The following SLC16A7 variants were observed in gnomAD, a reference collection of about 807,000 sequenced individuals.
SLC16A7 encodes solute carrier family 16 member 7.
Under a neutral mutation model 34.9 loss-of-function variants are expected in SLC16A7, and 33 were observed. The observed-to-expected ratio is 0.94, with a 90% confidence interval of 0.72 to 1.26. The LOEUF is 1.26. Ranked by LOEUF, SLC16A7 falls within the 50% of genes most tolerant of loss-of-function variation. The probability of loss-of-function intolerance (pLI) is 0.00; values close to 1 mark genes in which losing one functional copy is unlikely to be tolerated. For synonymous variants in SLC16A7, 201 were observed against 206.6 expected, an observed-to-expected ratio of 0.97 and a Z score of 0.23; for missense variants, 573 against 578.1, an observed-to-expected ratio of 0.99 and a Z score of 0.09.
intron 1 of SLC16A7, among the ~76,000 whole-genome samples, chr12:59,598,763 GA>G (rs1878544309): frequency 6.6e-6 from 1 of 152,142 alleles, no homozygotes; most frequent in African/African-American, 2.4e-5. Context: ...TTATTTGAGA[GA>G]AGAGTTTGAG....
intron 2 of SLC16A7, among the ~76,000 whole-genome samples, chr12:59,677,618 G>C (rs1238836844): frequency 6.6e-6 from 1 of 152,080 alleles, no homozygotes; most frequent in African/African-American, 2.4e-5. Context: ...CAAGGCTACT[G>C]TTTTGTCATG....
At chr12:59,768,432 T>G (rs568980978) in intron 3 of SLC16A7, 1 of 258,928 alleles carries the variant, frequency 3.9e-6, no homozygotes, top group South Asian at 4.3e-5. Context: ...TCAAGGAGAG[T>G]TGCTTCTTAT....
At chr12:59,650,726 G>A (rs1868329449) in intron 1 of SLC16A7, among the ~76,000 whole-genome samples, 1 of 152,108 alleles carries the variant, frequency 6.6e-6, no homozygotes, top group South Asian at 2.1e-4. Context: ...CGTGGGTTGG[G>A]AGGTGCCTGT....
At chr12:59,654,944 A>G (rs566619399) in intron 1 of SLC16A7, among the ~76,000 whole-genome samples, 1 of 152,094 alleles carries the variant, frequency 6.6e-6, no homozygotes, top group East Asian at 1.9e-4. Context: ...TGGTGATGTG[A>G]ACACATTTAA....
rs183436673 is a variant in SLC16A7, at chr12:59,642,291, T to G, written c.-129-12861T>G. ...TGATTCCTCCTTATCCTTTAAGAATTATTCTAACCATTCTTTTTTTCTGGA... is the reference window on the plus strand; with the variant it reads ...TGATTCCTCCTTATCCTTTAAGAATGATTCTAACCATTCTTTTTTTCTGGA... On this transcript the variant is annotated intron_variant, in intron 1 of 5. Transcript: ENST00000547379. Among the ~76,000 whole-genome samples the G allele has an allele frequency of 7.7e-3, 1,172 of 152,144 alleles. 7 individuals are homozygous for G. Among genetic ancestry groups the G allele is most frequent in the Non-Finnish European group, 0.013 (895 of 67,898 alleles).
intron 5 of SLC16A7, among the ~76,000 whole-genome samples, chr12:59,777,625 A>T (rs1011173905): frequency 1.3e-5 from 2 of 151,410 alleles, no homozygotes; most frequent in Non-Finnish European, 2.9e-5. Flanking sequence ...TTATTATTTA[A>T]TCCTTAAAAT....
At chr12:59,753,676 T>C (rs1382977255) in intron 3 of SLC16A7, among the ~76,000 whole-genome samples, 1 of 152,054 alleles carries the variant, frequency 6.6e-6, no homozygotes, top group Non-Finnish European at 1.5e-5. Flanking sequence ...AACACCCCAC[T>C]GTCAACATTA....
chr12:59,743,705 G>T (rs1004135712), intron 3 of SLC16A7, among the ~76,000 whole-genome samples: 5 of 152,134 alleles, frequency 3.3e-5, no homozygotes, highest in African/African-American at 1.2e-4. Flanking sequence ...ATTTAAATGT[G>T]TACAATTGAT....
At chr12:59,736,223 C>T (rs947810188) in intron 3 of SLC16A7, among the ~76,000 whole-genome samples, 11 of 152,000 alleles carry the variant, frequency 7.2e-5, no homozygotes, top group Admixed American at 2.0e-4. Flanking sequence ...ACAACATGCA[C>T]ACAAAGCACA....
intron 1 of SLC16A7, among the ~76,000 whole-genome samples, chr12:59,625,788 A>G (rs1879900065): frequency 6.6e-6 from 1 of 151,880 alleles, no homozygotes; most frequent in Admixed American, 6.6e-5. Context: ...ATTCAGCACC[A>G]TTGAGAAGCA....
At chr12:59,644,395 C>T (rs1880818412) in intron 1 of SLC16A7, among the ~76,000 whole-genome samples, 1 of 151,920 alleles carries the variant, frequency 6.6e-6, no homozygotes, top group Non-Finnish European at 1.5e-5. Flanking sequence ...GATGAAATCC[C>T]ATCTCTACTA....
chr12:59,749,446 C>T (rs2706284), intron 3 of SLC16A7, among the ~76,000 whole-genome samples: 18,660 of 152,126 alleles, frequency 0.12, 1,502 homozygotes, highest in African/African-American at 0.22. Flanking sequence ...CAAAACCCCA[C>T]GAATTCAGTG....
chr12:59,724,019 A>G (rs1875938723), intron 3 of SLC16A7, among the ~76,000 whole-genome samples: 1 of 152,010 alleles, frequency 6.6e-6, no homozygotes, highest in African/African-American at 2.4e-5. Context: ...AATATGTATA[A>G]TGTCGTTGGC....
chr12:59,740,559 C>T (rs1878198072), intron 3 of SLC16A7, among the ~76,000 whole-genome samples: 3 of 150,724 alleles, frequency 2.0e-5, no homozygotes, highest in Admixed American at 6.6e-5. Context: ...TGGGACGTAT[C>T]TCAAAATAAT....
intron 2 of SLC16A7, among the ~76,000 whole-genome samples, chr12:59,658,397 G>A (rs576022818): frequency 6.6e-6 from 1 of 152,128 alleles, no homozygotes; most frequent in South Asian, 2.1e-4. Flanking sequence ...TTGGAGAACT[G>A]TTTGAACATG....
intron 2 of SLC16A7, among the ~76,000 whole-genome samples, chr12:59,695,439 G>A (rs1171169068): frequency 6.6e-6 from 1 of 151,884 alleles, no homozygotes; most frequent in Non-Finnish European, 1.5e-5. Context: ...CTAATCCCAG[G>A]CCCAGGAGAC....
At chr12:59,653,076 T>C (rs971209745) in intron 1 of SLC16A7, among the ~76,000 whole-genome samples, 2 of 151,916 alleles carry the variant, frequency 1.3e-5, no homozygotes, top group Non-Finnish European at 2.9e-5. Context: ...CATATAACTT[T>C]TAAGGTTTGC....
In SLC16A7 at chr12:59,661,734, A is replaced by G. The variant is rs548177223; in HGVS notation, c.-31+6484A>G. Among the ~76,000 whole-genome samples the G allele has an allele frequency of 3.3e-5, 5 of 152,190 alleles. No homozygotes were observed. The East Asian group carries it at 7.7e-4, about 24-fold the overall frequency. Reference sequence around the variant, plus strand: ...GAATACTTGCATATTTGTGGTTAGGACCACCCTCCCCCAATTAGGTTTTTC... The same window carrying G: ...GAATACTTGCATATTTGTGGTTAGGGCCACCCTCCCCCAATTAGGTTTTTC... On this transcript the variant is annotated intron_variant, in intron 2 of 5. Transcript: ENST00000547379.
intron 1 of SLC16A7, among the ~76,000 whole-genome samples, chr12:59,626,442 A>C (rs1879934506): frequency 6.6e-6 from 1 of 151,810 alleles, no homozygotes; most frequent in South Asian, 2.1e-4. Context: ...CAGTGCTTTC[A>C]TTGATTCATC....
Sources: gnomAD v4.1 joint callset for allele counts (sites outside exome capture counted in the v4.1 genomes callset) on GRCh38, gnomAD v4.1.1 for gene constraint, MANE v1.5 for transcripts, NCBI Gene and HGNC (gene_info 2026-07-23, HGNC 2026-07-21) for gene names.